MFSD11: variants seen among roughly 807,000 people sequenced by gnomAD.
The protein encoded by MFSD11 is major facilitator superfamily domain containing 11, also known as UNC93-like protein MFSD11.
A neutral mutation model predicts 53.5 loss-of-function variants in MFSD11; 36 were observed. The observed-to-expected ratio is 0.67, with a 90% confidence interval of 0.52 to 0.89. The LOEUF (loss-of-function observed/expected upper bound fraction) is 0.89. Among genes scored for constraint, MFSD11 ranks in the 40% least tolerant of loss-of-function variants. The pLI, the probability that MFSD11 is intolerant of heterozygous loss-of-function variation, is 0.00. For synonymous variants in MFSD11, 186 were observed against 184.9 expected, an observed-to-expected ratio of 1.01 and a Z score of -0.05; for missense variants, 530 against 543.9, an observed-to-expected ratio of 0.97 and a Z score of 0.25.
intron 2 of MFSD11, among the ~76,000 whole-genome samples, chr17:76,739,663 G>A (rs1217012870): frequency 6.6e-6 from 1 of 152,188 alleles, no homozygotes. Context: ...GCTACATTGA[G>A]CTGTAGAAAC....
chr17:76,737,955 C>G, upstream of MFSD11: 2 of 235,302 alleles, frequency 8.5e-6, no homozygotes, highest in Non-Finnish European at 1.6e-5. Flanking sequence ...GGCCGAGCGG[C>G]CGGCGCCGCG....
intron 7 of MFSD11, among the ~76,000 whole-genome samples, chr17:76,745,877 G>C (rs1014323120): frequency 6.6e-6 from 1 of 152,016 alleles, no homozygotes; most frequent in Non-Finnish European, 1.5e-5. Flanking sequence ...ACCCAAGCTG[G>C]AGTGCAGTGG....
intron 8 of MFSD11, 44 bp from the exon 9 acceptor site, chr17:76,767,342 T>C: frequency 8.4e-7 from 1 of 1,196,844 alleles, no homozygotes; most frequent in Non-Finnish European, 1.2e-6. Context: ...TTTGTTTTAT[T>C]AACTAAAATC....
chr17:76,738,500 C>A, intron 1 of MFSD11, 52 bp downstream of exon 1: 2 of 1,341,096 alleles, frequency 1.5e-6, no homozygotes, highest in Non-Finnish European at 2.1e-6. Context: ...TAATGCAGTC[C>A]AGAAATGAAA....
At chr17:76,774,405 A>G (rs188617283) in intron 10 of MFSD11, among the ~76,000 whole-genome samples, 2 of 152,254 alleles carry the variant, frequency 1.3e-5, no homozygotes, top group East Asian at 1.9e-4. Context: ...CACTTTTGAT[A>G]TATAGGTTTG....
At chr17:76,781,290 T>A (rs1193426401), downstream of MFSD11, 1 of 152,048 alleles carries the variant, frequency 6.6e-6, no homozygotes, top group Non-Finnish European at 1.5e-5. Flanking sequence ...TGCTACGGAG[T>A]AGTCCTCAGG....
At chr17:76,781,920 C>T (rs1457828125), downstream of MFSD11, among the ~76,000 whole-genome samples, 2 of 151,924 alleles carry the variant, frequency 1.3e-5, no homozygotes, top group Non-Finnish European at 2.9e-5. Context: ...GTCTTGGGCT[C>T]AAGCAATATT....
At chr17:76,764,906 T>C (rs1257924913) in intron 8 of MFSD11, among the ~76,000 whole-genome samples, 5 of 152,204 alleles carry the variant, frequency 3.3e-5, no homozygotes, top group African/African-American at 1.2e-4. Context: ...GGGTTGTCTT[T>C]CCTCCACATC....
At position 76,754,098 on chromosome 17, in the gene MFSD11, T is replaced by G. The variant is rs371766543; in HGVS notation, c.682+11T>G. 4.4e-5 allele frequency: 71 copies of G among 1,609,212 alleles called. No homozygotes were observed. The highest frequency in any genetic ancestry group is 5.4e-5 in the Non-Finnish European group (64 of 1,176,582). On this transcript the variant is annotated intron_variant, in intron 8 of 12. Coordinates refer to ENST00000685175, the MANE Select transcript of MFSD11 (RefSeq NM_001242532.5). Reference sequence around the variant, plus strand: ...CAGTAGATGCTTTTAGTAAGTATTTTCTGTATCTGAAATGCAAGAACTGTT... The same window carrying G: ...CAGTAGATGCTTTTAGTAAGTATTTGCTGTATCTGAAATGCAAGAACTGTT...
At chr17:76,784,405 T>C (rs990778864), downstream of MFSD11, among the ~76,000 whole-genome samples, 2 of 151,866 alleles carry the variant, frequency 1.3e-5, no homozygotes, top group Non-Finnish European at 2.9e-5. Context: ...ATGGTGGCGC[T>C]GCCTGTAGTC....
chr17:76,797,770 C>T, the MFSD11 span, among the ~76,000 whole-genome samples: 1 of 152,032 alleles, frequency 6.6e-6, no homozygotes, highest in Non-Finnish European at 1.5e-5. Context: ...CTTCAGATGC[C>T]AGTCCTAAAT....
intron 7 of MFSD11, among the ~76,000 whole-genome samples, chr17:76,746,410 G>A (rs1018169532): frequency 1.3e-5 from 2 of 152,190 alleles, no homozygotes; most frequent in African/African-American, 4.8e-5. Context: ...AGAAGATCTG[G>A]CCATTATAAT....
rs2144160210 is a variant in MFSD11 at position 76,743,397 on chromosome 17, G to C, written c.438-1G>C. 6.3e-7 allele frequency: 1 copy of C among 1,578,628 alleles called. No individual in the cohort carries two copies. The highest frequency in any genetic ancestry group is 1.2e-5 in the South Asian group (1 of 83,462). On this transcript the variant is annotated splice_acceptor_variant, in intron 5 of 12. Coordinates refer to ENST00000685175, the MANE Select transcript of MFSD11 (RefSeq NM_001242532.5). LOFTEE classifies it high-confidence loss of function. ...TCCTATCCTCCCTTTTCTTCCCCCA[G>C]CTTGTTCTTTGGAAATCTCTACATA...
intron 8 of MFSD11, among the ~76,000 whole-genome samples, chr17:76,765,486 A>G (rs1052041450): frequency 2.6e-5 from 3 of 115,026 alleles, no homozygotes; most frequent in East Asian, 2.5e-4. Flanking sequence ...TTTTTGAGAC[A>G]GGGTGTTGCT....
chr17:76,801,364 CAAAAAAAAAAA>C, the MFSD11 span, among the ~76,000 whole-genome samples: 1 of 72,240 alleles, frequency 1.4e-5, no homozygotes, highest in Admixed American at 2.3e-4. Flanking sequence ...GGCTCTGTCT[CAAAAAAAAAAA>C]AAAAAAAAAA....
At chr17:76,770,034 T>TC (rs985427985) in intron 10 of MFSD11, among the ~76,000 whole-genome samples, 163 bp downstream of exon 10, 9 of 147,014 alleles carry the variant, frequency 6.1e-5, no homozygotes, top group African/African-American at 1.2e-4. Context: ...TCTTTTTCTT[T>TC]TTTTTTTTTT....
At position 76,742,223 on chromosome 17, in the gene MFSD11, G is replaced by A. The variant is rs772294649; in HGVS notation, c.387G>A (p.Glu129=). The part of the protein sequence containing the change: ...QGNCLTINSD[E]HSIGRNSGIF... ...ACTGCCTGACAATCAATTCGGATGA[G>A]CACAGCATTGGGAGAAACAGTGGGA... The change falls in exon 5 of 13, where the codon GAG becomes GAA. Residue 129 remains glutamate, a synonymous_variant. Transcript: ENST00000685175. 1.9e-6 allele frequency: 3 copies of A among 1,614,200 alleles called. No individual in the cohort carries two copies. The highest frequency in any genetic ancestry group is 2.5e-6 in the Non-Finnish European group (3 of 1,180,034).
chr17:76,774,012 G>GC (rs1598766188), intron 10 of MFSD11, among the ~76,000 whole-genome samples: 1 of 151,602 alleles, frequency 6.6e-6, no homozygotes, highest in East Asian at 1.9e-4. Flanking sequence ...TGCAACATCT[G>GC]CCCCCTGGGT....
downstream of MFSD11, among the ~76,000 whole-genome samples, chr17:76,783,266 A>T (rs749042268): frequency 6.6e-6 from 1 of 152,112 alleles, no homozygotes; most frequent in Non-Finnish European, 1.5e-5. Flanking sequence ...TAAATGCTGT[A>T]GCTGGGTCTC....
Sources: gnomAD v4.1 joint callset for allele counts (sites outside exome capture counted in the v4.1 genomes callset) on GRCh38, gnomAD v4.1.1 for gene constraint, MANE v1.5 for transcripts, NCBI Gene and HGNC (gene_info 2026-07-23, HGNC 2026-07-21) for gene names.